GRXCR1: variants seen among roughly 807,000 people sequenced by gnomAD.
GRXCR1 encodes glutaredoxin domain-containing cysteine-rich protein 1.
A neutral mutation model predicts 27.3 loss-of-function variants in GRXCR1; 27 were observed. That is an observed-to-expected ratio of 0.99 (90% CI 0.73 to 1.37). GRXCR1 has a LOEUF of 1.37. Among genes scored for constraint, GRXCR1 ranks in the 40% most tolerant of loss-of-function variants. The pLI, the probability that GRXCR1 is intolerant of heterozygous loss-of-function variation, is 0.00. For synonymous variants in GRXCR1, 122 were observed against 131.1 expected (o/e 0.93, Z 0.47); for missense variants, 379 against 354.4 (o/e 1.07, Z -0.56).
rs114015964 is a variant in GRXCR1, at chr4:43,017,337, G to T, written c.628-3017G>T. 4.5e-3 allele frequency among the ~76,000 whole-genome samples: 678 copies of T among 152,252 alleles called. 9 individuals are homozygous for T. The highest frequency in any genetic ancestry group is 0.014 in the African/African-American group (569 of 41,534). The stretch of plus-strand genomic sequence containing the variant: ...TGCTGTATCAGTGAGCAGGCAGCTT[G>T]CAGGGTGCAATGGAAAGAGTATAGG... On this transcript the variant is annotated intron_variant, in intron 2 of 3. Coordinates refer to ENST00000399770, the MANE Select transcript of GRXCR1 (RefSeq NM_001080476.3).
chr4:42,976,502 G>A (rs527569912), intron 2 of GRXCR1, among the ~76,000 whole-genome samples: 1 of 151,888 alleles, frequency 6.6e-6, no homozygotes, highest in African/African-American at 2.4e-5. Context: ...TATCACAAGA[G>A]TATAGGTCAG....
chr4:42,983,327 G>T (rs866486860), intron 2 of GRXCR1, among the ~76,000 whole-genome samples: 11 of 145,250 alleles, frequency 7.6e-5, no homozygotes, highest in African/African-American at 1.5e-4. Flanking sequence ...TTTCCCCATT[G>T]CTTGTTTTTC....
intron 2 of GRXCR1, among the ~76,000 whole-genome samples, chr4:42,994,666 G>T (rs377122188): frequency 6.6e-6 from 1 of 152,104 alleles, no homozygotes; most frequent in Non-Finnish European, 1.5e-5. Flanking sequence ...AAGAGGAATA[G>T]GGTCTCTGAG....
intron 2 of GRXCR1, among the ~76,000 whole-genome samples, chr4:43,003,428 G>A (rs1055289440): frequency 1.3e-5 from 2 of 152,220 alleles, no homozygotes; most frequent in African/African-American, 2.4e-5. Context: ...CTGGGTACAA[G>A]CAGAGGTTGG....
intron 1 of GRXCR1, among the ~76,000 whole-genome samples, chr4:42,914,496 C>A (rs527302276): frequency 1.3e-5 from 2 of 152,344 alleles, no homozygotes; most frequent in African/African-American, 4.8e-5. Flanking sequence ...TACCCAGCAC[C>A]TGTACCTTCA....
At chr4:42,959,640 T>C (rs1251976402) in intron 1 of GRXCR1, among the ~76,000 whole-genome samples, 1 of 151,962 alleles carries the variant, frequency 6.6e-6, no homozygotes, top group Non-Finnish European at 1.5e-5. Context: ...AACATTATAT[T>C]ATACACCTTA....
chr4:43,019,511 G>T (rs1325098496), intron 2 of GRXCR1, among the ~76,000 whole-genome samples: 1 of 152,132 alleles, frequency 6.6e-6, no homozygotes, highest in East Asian at 1.9e-4. Context: ...GTGACAACAA[G>T]GCAGACATGG....
intron 1 of GRXCR1, among the ~76,000 whole-genome samples, chr4:42,952,604 G>C (rs566743068): frequency 1.1e-4 from 16 of 152,092 alleles, no homozygotes; most frequent in Non-Finnish European, 1.9e-4. Context: ...TGCTTTCTGA[G>C]ATATACCCTA....
At chr4:43,002,062 T>C (rs2109797122) in intron 2 of GRXCR1, among the ~76,000 whole-genome samples, 1 of 152,372 alleles carries the variant, frequency 6.6e-6, no homozygotes. Context: ...TAGGGCGGTT[T>C]TTCTCCTATC....
intron 2 of GRXCR1, among the ~76,000 whole-genome samples, chr4:43,013,772 T>G (rs905161848): frequency 3.9e-5 from 6 of 152,222 alleles, no homozygotes; most frequent in Non-Finnish European, 7.3e-5. Context: ...CAACACTACC[T>G]GTTTTCTAGC....
At chr4:42,986,749 G>A (rs1245858853) in intron 2 of GRXCR1, among the ~76,000 whole-genome samples, 1 of 152,176 alleles carries the variant, frequency 6.6e-6, no homozygotes. Flanking sequence ...TCTTATTTGA[G>A]ATTCTCTGGA....
intron 1 of GRXCR1, among the ~76,000 whole-genome samples, chr4:42,941,624 A>G (rs1318223905): frequency 7.9e-5 from 12 of 152,052 alleles, no homozygotes; most frequent in Admixed American, 7.9e-4. Context: ...AGGATAACAT[A>G]AAGGCTCCAG....
chr4:42,969,823 C>A (rs1031328562), intron 2 of GRXCR1, among the ~76,000 whole-genome samples: 2 of 152,102 alleles, frequency 1.3e-5, no homozygotes, highest in Admixed American at 1.3e-4. Flanking sequence ...CATGCCTTCC[C>A]AACCGTCCCC....
intron 2 of GRXCR1, among the ~76,000 whole-genome samples, chr4:42,972,244 T>C (rs1306410559): frequency 6.6e-6 from 1 of 152,184 alleles, no homozygotes; most frequent in Non-Finnish European, 1.5e-5. Flanking sequence ...TTTTATTTGT[T>C]ATCTTCATTT....
At chr4:42,901,750 G>T (rs1248233364) in intron 1 of GRXCR1, among the ~76,000 whole-genome samples, 1 of 152,120 alleles carries the variant, frequency 6.6e-6, no homozygotes, top group Non-Finnish European at 1.5e-5. Flanking sequence ...CTAAATCATT[G>T]GCTTCATTTT....
At chr4:42,977,306 T>C (rs1748547630) in intron 2 of GRXCR1, among the ~76,000 whole-genome samples, 11 of 149,898 alleles carry the variant, frequency 7.3e-5, no homozygotes, top group Admixed American at 7.3e-4. Flanking sequence ...TTTGACATAC[T>C]GATTTTATTT....
intron 1 of GRXCR1, among the ~76,000 whole-genome samples, chr4:42,961,254 C>T (rs13135477): frequency 0.066 from 10,011 of 151,884 alleles, 384 homozygotes; most frequent in African/African-American, 0.093. Context: ...CTATCATTCA[C>T]GGGCATTTTG....
chr4:42,946,351 G>A (rs915312269), intron 1 of GRXCR1, among the ~76,000 whole-genome samples: 1 of 151,998 alleles, frequency 6.6e-6, no homozygotes, highest in African/African-American at 2.4e-5. Context: ...AACATTATTG[G>A]TATTTTTCTT....
chr4:42,962,092 G>A (rs1020582767), intron 1 of GRXCR1, among the ~76,000 whole-genome samples: 1 of 151,914 alleles, frequency 6.6e-6, no homozygotes, highest in Non-Finnish European at 1.5e-5. Context: ...CACATTAGCA[G>A]TGCTGGCCAG....
Sources: allele counts gnomAD v4.1 joint callset (sites outside exome capture counted in the v4.1 genomes callset), GRCh38; gene constraint gnomAD v4.1.1; transcripts MANE v1.5; gene names NCBI Gene and HGNC (gene_info 2026-07-23, HGNC 2026-07-21).